Variants in HERC2 observed in about 807,000 individuals in gnomAD.
HERC2 encodes the protein HECT and RLD domain containing E3 ubiquitin protein ligase 2, also known as E3 ubiquitin-protein ligase HERC2.
In HERC2, 102 loss-of-function variants were observed where a neutral mutation model predicts 537.7. That is an observed-to-expected ratio of 0.19 (90% CI 0.16 to 0.22). The LOEUF (loss-of-function observed/expected upper bound fraction) is 0.22, where lower values mean the gene tolerates loss of function less well. Among genes scored for constraint, HERC2 ranks in the 10% least tolerant of loss-of-function variants. HERC2 has a pLI of 1.00. For missense variants in HERC2, 4,236 were observed against 6,198.2 expected (o/e 0.68, Z 10.63); for synonymous variants, 2,224 against 2,466.2 (o/e 0.90, Z 2.91).
intron 2 of HERC2, among the ~76,000 whole-genome samples, chr15:28,319,763 G>C (rs2077183406): frequency 6.6e-6 from 1 of 151,918 alleles, no homozygotes; most frequent in African/African-American, 2.4e-5. Flanking sequence ...CATTAAACTG[G>C]TTTTAGATCA....
chr15:28,114,802 C>A lies in HERC2; in HGVS notation c.13723G>T (p.Val4575Phe), dbSNP rs1199834414. 3 of 1,613,260 alleles carry A rather than the reference C, an allele frequency of 1.9e-6. No homozygotes were observed. The highest frequency in any genetic ancestry group is 2.2e-5 in the East Asian group (1 of 44,846). ...MSLTIADLSE[V>F]DKDFIPGLMY... ...AGTCCAGGAATAAAATCCTTATCAA[C>A]CTTTTAAGGAGAAAAAGAAAGCCCA... Residue 4575 changes from valine to phenylalanine, a missense_variant and splice_region_variant, in exon 90 of 93, where the codon GTT (valine) becomes TTT (phenylalanine). This residue lies in a region of HERC2 where 313 missense variants were observed against 462.6 expected (regional missense o/e 0.68). Coordinates refer to ENST00000261609, the MANE Select transcript of HERC2 (RefSeq NM_004667.6).
At chr15:28,124,942 G>A in intron 84 of HERC2, 64 bp downstream of exon 84, 2 of 1,457,230 alleles carry the variant, frequency 1.4e-6, no homozygotes, top group Non-Finnish European at 1.9e-6. Context: ...ACAACGACAG[G>A]ATGCAGCATG....
chr15:28,287,355 TAG>T (rs1024540784), intron 4 of HERC2, among the ~76,000 whole-genome samples: 44 of 152,268 alleles, frequency 2.9e-4, no homozygotes, highest in Middle Eastern at 6.8e-3. Flanking sequence ...GGCTGCCAGG[TAG>T]AGAGTCGGTT....
intron 14 of HERC2, among the ~76,000 whole-genome samples, chr15:28,263,832 G>C (rs559250671): frequency 3.3e-5 from 5 of 151,908 alleles, no homozygotes; most frequent in Admixed American, 1.3e-4. Flanking sequence ...AGGAGTTCGA[G>C]ACCAGCCTGG....
In HERC2 at chr15:28,130,166, C is replaced by T; in HGVS notation, c.12799G>A (p.Asp4267Asn). ...GCGGCACTGAGCCCCTACCTACCAT[C>T]CTCTGTGCAGCACACACAGTGCAGG... ...GSLHCVCCTE[D>N]GEVYTWGDND... The change falls in exon 83 of 93, where the codon GAT becomes AAT. Residue 4267 changes from aspartate to asparagine, a missense_variant. Physicochemically the swap from Asp to Asn is conservative, Grantham distance 23. Transcript: ENST00000261609. 6.2e-7 allele frequency: 1 copy of T among 1,614,146 alleles called. No individual in the cohort carries two copies. Among genetic ancestry groups the T allele is most frequent in the East Asian group, 2.2e-5 (1 of 44,878 alleles).
In HERC2 at chr15:28,264,035, A is replaced by C. The variant is rs185528999; in HGVS notation, c.1871-866T>G. Among the ~76,000 whole-genome samples, 1,297 of 151,364 alleles carry C rather than the reference A, an allele frequency of 8.6e-3. 7 individuals are homozygous for C. The highest frequency in any genetic ancestry group is 0.014 in the Non-Finnish European group (930 of 67,846). ...CTTTGTCTTACAAAAAAAAAAAAAA[A>C]AAACAAACAAAAACAAAAAAAAGTG... is the stretch of plus-strand genomic sequence containing the variant. On this transcript the variant is annotated intron_variant, in intron 14 of 92. Transcript: ENST00000261609.
intron 41 of HERC2, 22 bp downstream of exon 41, chr15:28,214,054 A>C (rs1313662366): frequency 1.2e-6 from 2 of 1,613,084 alleles, no homozygotes; most frequent in South Asian, 1.1e-5. Flanking sequence ...GAACTAAATT[A>C]ATTCTGAGAA....
chr15:28,199,532 T>C (rs563171154), intron 48 of HERC2, among the ~76,000 whole-genome samples: 1 of 152,322 alleles, frequency 6.6e-6, no homozygotes, highest in Non-Finnish European at 1.5e-5. Context: ...AAGCTTTTTT[T>C]CCCAGAAGAG....
At position 28,238,117 on chromosome 15, in the gene HERC2, C is replaced by T. The variant is rs376812484; in HGVS notation, c.3849G>A (p.Leu1283=). ...CACTCAAGGCATACAGCCTCACCTC[C>T]AAATACTGGCCAACACAAAACGCGT... is the stretch of plus-strand genomic sequence containing the variant. ...SMHAFCVGQY[L]EPDQEIVTIP... Residue 1283 remains leucine, a synonymous_variant, in exon 25 of 93, where the codon TTG becomes TTA. Coordinates refer to ENST00000261609, the MANE Select transcript of HERC2 (RefSeq NM_004667.6). 7 of 1,610,466 alleles carry T rather than the reference C, an allele frequency of 4.3e-6. No homozygotes were observed. Among genetic ancestry groups the T allele is most frequent in the Non-Finnish European group, 5.9e-6 (7 of 1,178,598 alleles).
At chr15:28,224,149 CCACACACACACA>C (rs1291459553) in intron 35 of HERC2, among the ~76,000 whole-genome samples, 1 of 132,982 alleles carries the variant, frequency 7.5e-6, no homozygotes, top group Non-Finnish European at 1.5e-5. Context: ...ACACACACAC[CCACACACACACA>C]CACACAGAGA....
Position 28,212,461 on chromosome 15 carries a change from A to G in HERC2, c.6909T>C (p.Thr2303=), listed in dbSNP as rs764264445. Residue 2303 remains threonine (T), a synonymous_variant, in exon 43 of 93, where the codon ACT becomes ACC. Transcript: ENST00000261609. ...TGTACTGACCTGCAAAGGCCTGTTT[A>G]GTCGATTTCTTTATTTTGTGCTTTT... ...KLEKHKIKKS[T]KQAFAGQVDL... 6 of 1,610,758 alleles carry G rather than the reference A, an allele frequency of 3.7e-6. No homozygotes were observed. In the South Asian group the frequency reaches 5.5e-5, roughly 15 times the overall value.
At chr15:28,112,286 C>A (rs955412231) in intron 92 of HERC2, among the ~76,000 whole-genome samples, 1 of 152,200 alleles carries the variant, frequency 6.6e-6, no homozygotes, top group Non-Finnish European at 1.5e-5. Context: ...GAGGACCACA[C>A]CACCTGTGTG....
chr15:28,119,399 CAAAAAAAAAAAAAAAAAAAAAAAAAAAAA>C (rs201078187), intron 86 of HERC2, among the ~76,000 whole-genome samples: 1 of 133,920 alleles, frequency 7.5e-6, no homozygotes. Context: ...GACTCCCTCT[CAAAAAAAAAAAAAAAAAAAAAAAAAAAAA>C]AAAAAAAAAG....
chr15:28,118,207 A>C (rs1451815745), intron 86 of HERC2: 9 of 159,200 alleles, frequency 5.7e-5, no homozygotes, highest in Admixed American at 3.4e-4. Flanking sequence ...CCCAGAGGAG[A>C]CTAGGCTACA....
At chr15:28,195,660 A>G (rs190385331) in intron 52 of HERC2, among the ~76,000 whole-genome samples, 163 of 152,094 alleles carry the variant, frequency 1.1e-3, no homozygotes, top group African/African-American at 3.8e-3. Flanking sequence ...ATTCAAGGTT[A>G]CCAGGGTTGG....
chr15:28,260,142 C>T (rs1427161032), intron 16 of HERC2, among the ~76,000 whole-genome samples: 4 of 151,044 alleles, frequency 2.6e-5, no homozygotes, highest in Non-Finnish European at 5.9e-5. Flanking sequence ...GAGTTCGAGA[C>T]CAGCCTGGGC....
intron 67 of HERC2, 97 bp downstream of exon 67, chr15:28,168,310 G>C: frequency 8.1e-7 from 1 of 1,237,888 alleles, no homozygotes; most frequent in Non-Finnish European, 1.1e-6. Flanking sequence ...GGGAGGCACA[G>C]AAACAGCCTA....
chr15:28,169,416 GA>G lies in HERC2; in HGVS notation c.10229+67del. ...CTTGGAGACATCTGATCAACGAAAA[GA>G]AAAAAAATCACAAAAATGTGAAGCT... On this transcript the variant is annotated intron_variant, in intron 66 of 92. Coordinates refer to ENST00000261609, the MANE Select transcript of HERC2 (RefSeq NM_004667.6). The G allele has an allele frequency of 9.9e-6, 12 of 1,216,380 alleles. 1 individual carries two copies. The highest frequency in any genetic ancestry group is 2.9e-5 in the South Asian group (2 of 68,640). 75.3% of individuals were successfully genotyped at this position (1,216,380 alleles called of 1,614,324 possible). A position where few individuals can be genotyped will look rare whatever the true frequency, so the allele number is the denominator to read the frequency against.
Position 28,167,742 on chromosome 15 carries a change from G to C in HERC2, c.10499C>G (p.Thr3500Arg), listed in dbSNP as rs757483867. Residue 3500 changes from threonine to arginine, a missense_variant, in exon 68 of 93, where the codon ACG (threonine) becomes AGG (arginine). By Grantham distance (71) the Thr-to-Arg change is moderately conservative. Coordinates refer to ENST00000261609, the MANE Select transcript of HERC2 (RefSeq NM_004667.6). ...GATGCTTGCGGCTCCCAGGTCATCC[G>C]TCACTGGGATAAAAGGCCGAGCGGA... ...SASARPFIPV[T>R]DDLGAASIIA... 1 of 1,614,124 alleles carries C rather than the reference G, an allele frequency of 6.2e-7. No homozygotes were observed.
Sources: allele counts gnomAD v4.1 joint callset (sites outside exome capture counted in the v4.1 genomes callset), GRCh38; gene constraint gnomAD v4.1.1; regional missense constraint gnomAD v4.1.1; transcripts MANE v1.5; gene names NCBI Gene and HGNC (gene_info 2026-07-23, HGNC 2026-07-21).